Variants in ACLY observed in about 807,000 individuals in gnomAD.
ACLY encodes the protein ATP citrate lyase, also known as ATP-citrate synthase.
ACLY carries 41 observed loss-of-function variants against 133.0 expected under a neutral mutation model. The ratio of observed to expected loss-of-function variants is 0.31; its 90% CI spans 0.24 to 0.40. ACLY has a LOEUF of 0.40. ACLY is among the 10% of genes least tolerant of loss of function. The probability of loss-of-function intolerance (pLI) is 1.00; values close to 1 mark genes in which losing one functional copy is unlikely to be tolerated. For synonymous variants in ACLY, 495 were observed against 549.3 expected, an observed-to-expected ratio of 0.90 and a Z score of 1.38; for missense variants, 1,046 against 1,453.8, an observed-to-expected ratio of 0.72 and a Z score of 4.56.
chr17:41,910,248 T>C lies in ACLY; in HGVS notation c.319A>G (p.Ile107Val). 2 of 1,613,752 alleles carry C rather than the reference T, an allele frequency of 1.2e-6. No individual in the cohort carries two copies. Among genetic ancestry groups the C allele is most frequent in the African/African-American group, 2.7e-5 (2 of 74,980 alleles). ...KATGFLKNFLIEPFVPHSQAE... is the reference protein window; with the variant it reads ...KATGFLKNFLVEPFVPHSQAE... ...TGACTGTGGGGGACGAAGGGCTCGA[T>C]CAGAAAGTTCTTGAGGAAGCCTGTG... is the stretch of plus-strand genomic sequence containing the variant. The change falls in exon 4 of 29, where the codon ATC becomes GTC. Residue 107 changes from isoleucine to valine, a missense_variant. This residue lies in a region of ACLY where 227 missense variants were observed against 245.6 expected (regional missense o/e 0.92). Coordinates refer to ENST00000352035, the MANE Select transcript of ACLY (RefSeq NM_001096.3).
intron 14 of ACLY, among the ~76,000 whole-genome samples, chr17:41,894,652 C>T (rs1415611911): frequency 1.4e-5 from 2 of 147,268 alleles, no homozygotes; most frequent in East Asian, 4.0e-4. Flanking sequence ...TATGTACCCA[C>T]AAAAATTTTA....
At chr17:41,899,896 G>T (rs2049479150) in intron 11 of ACLY, among the ~76,000 whole-genome samples, 1 of 151,448 alleles carries the variant, frequency 6.6e-6, no homozygotes, top group Non-Finnish European at 1.5e-5. Context: ...TTAGCCAGGT[G>T]TGTGCTAATT....
rs116895041 is a variant in ACLY, at chr17:41,910,338, A to G, written c.283-54T>C. On this transcript the variant is annotated intron_variant, in intron 3 of 28. Coordinates refer to ENST00000352035, the MANE Select transcript of ACLY (RefSeq NM_001096.3). The stretch of plus-strand genomic sequence containing the variant: ...CAGAGGGACAGCACGTCTTGCCCCT[A>G]GGGCAGAAGGAGGGACTGCACAGGG... 1.4e-3 allele frequency: 2,165 copies of G among 1,522,212 alleles called. 11 individuals carry two copies. The highest frequency in any genetic ancestry group is 6.5e-3 in the Middle Eastern group (38 of 5,860). 94.3% of individuals were successfully genotyped at this position (1,522,212 alleles called of 1,614,324 possible). A position where few individuals can be genotyped will look rare whatever the true frequency, so the allele number is the denominator to read the frequency against.
At chr17:41,868,398 A>G (rs1457627659) in intron 28 of ACLY, among the ~76,000 whole-genome samples, 4 of 143,040 alleles carry the variant, frequency 2.8e-5, no homozygotes, top group African/African-American at 1.0e-4. Context: ...AGACCGCGCC[A>G]CTGCACTCCA....
Position 41,872,192 on chromosome 17 carries a change from G to A in ACLY, c.2643-10C>T, listed in dbSNP as rs2048615402. ...AGAGTACTTAGGCAACCTGGAGTGG[G>A]GGGAACAAAGGCCAGGAGATGGTCG... On this transcript the variant is annotated splice_polypyrimidine_tract_variant and intron_variant, in intron 23 of 28. Coordinates refer to ENST00000352035, the MANE Select transcript of ACLY (RefSeq NM_001096.3). The A allele has an allele frequency of 1.2e-6, 2 of 1,611,850 alleles. No individual in the cohort carries two copies. Among genetic ancestry groups the A allele is most frequent in the South Asian group, 2.2e-5 (2 of 91,068 alleles).
chr17:41,892,243 TCCCCACCCCCCACC>T, intron 16 of ACLY, 22 bp downstream of exon 16: 5 of 313,830 alleles, frequency 1.6e-5, no homozygotes, highest in South Asian at 1.3e-4. Context: ...TAGTTCATGG[TCCCCACCCCCCACC>T]CTCCAGAGCC....
intron 1 of ACLY, among the ~76,000 whole-genome samples, chr17:41,916,634 C>G (rs902842360): frequency 2.0e-5 from 3 of 151,766 alleles, no homozygotes; most frequent in Non-Finnish European, 4.4e-5. Context: ...CTCAGCCTCC[C>G]AAAGTGCTGG....
chr17:41,882,987 G>A (rs1406031632), intron 20 of ACLY, 135 bp downstream of exon 20: 2 of 717,598 alleles, frequency 2.8e-6, no homozygotes, highest in Non-Finnish European at 4.5e-6. Flanking sequence ...GCTGGACTTT[G>A]TAGTAACCAA....
Position 41,878,944 on chromosome 17 carries a change from A to T in ACLY, c.2266-20T>A. ...CTGGACCTGGAAAGCAAAGGAAAGT[A>T]GCTTTACTGCTAATCCCCCAAGAGT... On this transcript the variant is annotated intron_variant, in intron 20 of 28. Coordinates refer to ENST00000352035, the MANE Select transcript of ACLY (RefSeq NM_001096.3). 2 of 1,613,810 alleles carry T rather than the reference A, an allele frequency of 1.2e-6. No individual in the cohort carries two copies. The highest frequency in any genetic ancestry group is 1.7e-6 in the Non-Finnish European group (2 of 1,179,800).
At chr17:41,874,050 G>GA in intron 22 of ACLY, 85 bp from the exon 23 acceptor site, 4 of 1,326,730 alleles carry the variant, frequency 3.0e-6, no homozygotes, top group Non-Finnish European at 3.9e-6. Flanking sequence ...TGTACTCTCA[G>GA]AACCAAAGCA....
Position 41,873,903 on chromosome 17 carries a change from C to T in ACLY, c.2550G>A (p.Gln850=). The change falls in exon 23 of 29, where the codon CAG becomes CAA. Residue 850 remains glutamine, a synonymous_variant. Transcript: ENST00000352035. ...FMTSICDERG[Q]ELIYAGMPIT... ...TGGGCATGCCCGCGTAGATGAGCTC[C>T]TGTCCTCGCTCATCGCAGATGCTGG... is the stretch of plus-strand genomic sequence containing the variant. The T allele has an allele frequency of 1.2e-6, 2 of 1,610,846 alleles. No homozygotes were observed. Among genetic ancestry groups the T allele is most frequent in the Non-Finnish European group, 1.7e-6 (2 of 1,177,650 alleles).
intron 25 of ACLY, among the ~76,000 whole-genome samples, chr17:41,871,153 C>T (rs371897381): frequency 1.3e-5 from 2 of 152,346 alleles, no homozygotes; most frequent in East Asian, 3.9e-4. Context: ...CTCATTTCAA[C>T]TGCTATTTCC....
rs1597993039 is a variant in ACLY at position 41,886,225 on chromosome 17, G to A, written c.1959C>T (p.Arg653=). ...LDNILASKLY[R]PGSVAYVSRS... ...GTGAGACATAGGCCACGCTGCCTGG[G>A]CGGTACAGTTTGGAGGCCAGGATGT... Residue 653 remains arginine, a synonymous_variant, in exon 18 of 29, where the codon CGC becomes CGT. Coordinates refer to ENST00000352035, the MANE Select transcript of ACLY (RefSeq NM_001096.3). 6.2e-7 allele frequency: 1 copy of A among 1,614,202 alleles called. No homozygotes were observed. Among genetic ancestry groups the A allele is most frequent in the Non-Finnish European group, 8.5e-7 (1 of 1,180,024 alleles).
chr17:41,907,983 G>A (rs1481912918), intron 6 of ACLY, among the ~76,000 whole-genome samples: 2 of 152,136 alleles, frequency 1.3e-5, no homozygotes, highest in African/African-American at 4.8e-5. Context: ...GTCTCCCAGG[G>A]TCTGGCTAGG....
intron 27 of ACLY, 22 bp downstream of exon 27, chr17:41,869,021 A>C: frequency 6.3e-7 from 1 of 1,589,280 alleles, no homozygotes; most frequent in African/African-American, 1.3e-5. Flanking sequence ...GTAATGAAGA[A>C]GAAAACAGCT....
In ACLY at chr17:41,917,237, T is replaced by C. The variant is rs149051572; in HGVS notation, c.-24+1643A>G. ...GACCGCTCCCCAGAACGTCTTAGTC[T>C]GCCTCCCCAGTAGCTGAATGTGCTG... On this transcript the variant is annotated intron_variant, in intron 1 of 28. Transcript: ENST00000352035. 6.9e-3 allele frequency among the ~76,000 whole-genome samples: 1,050 copies of C among 152,118 alleles called. 11 individuals carry two copies. The highest frequency in any genetic ancestry group is 0.024 in the African/African-American group (1,010 of 41,490).
chr17:41,892,497 G>A (rs2049243082), intron 15 of ACLY, 50 bp from the exon 16 acceptor site: 1 of 1,546,492 alleles, frequency 6.5e-7, no homozygotes, highest in African/African-American at 1.4e-5. Flanking sequence ...TGTCAGGACT[G>A]GGGAAGGGGA....
chr17:41,897,904 C>T (rs2049419637), intron 12 of ACLY, 65 bp from the exon 13 acceptor site: 2 of 1,419,652 alleles, frequency 1.4e-6, no homozygotes, highest in African/African-American at 1.4e-5. Flanking sequence ...GCCACTGGTC[C>T]TTAAAGGCCC....
rs545493776 is a variant in ACLY at position 41,918,483 on chromosome 17, C to G, written c.-24+397G>C. ...CCACCGCTTTCTCTACTTCCCGTCC[C>G]GGCATCCGATGGGGGAACCCGGATG... On this transcript the variant is annotated intron_variant, in intron 1 of 28. Coordinates refer to ENST00000352035, the MANE Select transcript of ACLY (RefSeq NM_001096.3). 2.6e-4 allele frequency among the ~76,000 whole-genome samples: 40 copies of G among 152,354 alleles called. No homozygotes were observed. The Middle Eastern group carries it at 0.01, about 39-fold the overall frequency.
Sources: allele counts gnomAD v4.1 joint callset (sites outside exome capture counted in the v4.1 genomes callset), GRCh38; gene constraint gnomAD v4.1.1; regional missense constraint gnomAD v4.1.1; transcripts MANE v1.5; gene names NCBI Gene and HGNC (gene_info 2026-07-23, HGNC 2026-07-21).